Variants in RGS8 observed in about 807,000 individuals in gnomAD.
The protein encoded by RGS8 is regulator of G protein signaling 8, also known as regulator of G-protein signaling 8.
Under a neutral mutation model 21.7 loss-of-function variants are expected in RGS8, and 8 were observed. That is an observed-to-expected ratio of 0.37 (90% CI 0.22 to 0.66). The LOEUF (loss-of-function observed/expected upper bound fraction) is 0.66, where lower values mean the gene tolerates loss of function less well. RGS8 is among the 30% of genes least tolerant of loss of function. The pLI is 0.59. For missense variants in RGS8, 157 were observed against 217.9 expected (o/e 0.72, Z 1.76); for synonymous variants, 80 against 83.6 (o/e 0.96, Z 0.24).
At chr1:182,683,363 T>C (rs902132846) in intron 1 of RGS8, among the ~76,000 whole-genome samples, 2 of 152,210 alleles carry the variant, frequency 1.3e-5, no homozygotes, top group Admixed American at 6.5e-5. Context: ...AATACAGTTA[T>C]CTCACTCCCA....
chr1:182,682,351 A>T (rs1664563314), intron 1 of RGS8, among the ~76,000 whole-genome samples: 1 of 152,162 alleles, frequency 6.6e-6, no homozygotes. Flanking sequence ...TGCTCCTGGC[A>T]AGAGTGGTGG....
intron 5 of RGS8, among the ~76,000 whole-genome samples, chr1:182,652,502 G>A (rs1413928761): frequency 1.3e-5 from 2 of 152,182 alleles, no homozygotes; most frequent in African/African-American, 2.4e-5. Context: ...TGACTTGCCC[G>A]ATTTCACATA....
At chr1:182,728,983 C>T in the RGS8 span, among the ~76,000 whole-genome samples, 1 of 152,154 alleles carries the variant, frequency 6.6e-6, no homozygotes, top group Non-Finnish European at 1.5e-5. Context: ...TGTACATGTA[C>T]CCCATCCTGT....
chr1:182,684,802 T>C (rs1027569826), upstream of RGS8, among the ~76,000 whole-genome samples: 2 of 151,846 alleles, frequency 1.3e-5, no homozygotes, highest in African/African-American at 2.4e-5. This position sits in a 1 kb window ranked among gnomAD's most constrained non-coding sequence, Gnocchi z 4.2. Context: ...TCAGAGGGGA[T>C]GGCAGAGGGG....
At chr1:182,693,963 G>A in the RGS8 span, among the ~76,000 whole-genome samples, 134 of 152,174 alleles carry the variant, frequency 8.8e-4, no homozygotes, top group African/African-American at 3.0e-3. Flanking sequence ...ACACAGGGCC[G>A]TATTTGAGAG....
intron 1 of RGS8, among the ~76,000 whole-genome samples, chr1:182,682,436 G>A (rs1317959974): frequency 6.6e-6 from 1 of 152,130 alleles, no homozygotes; most frequent in African/African-American, 2.4e-5. Flanking sequence ...TCACTTCTCT[G>A]GCTGAACTTC....
intron 1 of RGS8, among the ~76,000 whole-genome samples, chr1:182,679,466 C>T (rs374522184): frequency 2.0e-5 from 3 of 152,100 alleles, no homozygotes; most frequent in Admixed American, 6.5e-5. Flanking sequence ...TTTGCTGGCT[C>T]CTCCTCCTCT....
At chr1:182,679,589 TG>T (rs1664475452) in intron 1 of RGS8, among the ~76,000 whole-genome samples, 1 of 152,100 alleles carries the variant, frequency 6.6e-6, no homozygotes, top group Non-Finnish European at 1.5e-5. Context: ...CTAACTACAT[TG>T]GGTATATTGA....
the RGS8 span, among the ~76,000 whole-genome samples, chr1:182,725,783 G>A: frequency 5.3e-5 from 8 of 152,270 alleles, no homozygotes; most frequent in South Asian, 4.1e-4. Flanking sequence ...AGTGTCTGAC[G>A]TCACGGCGTG....
chr1:182,670,478 A>C (rs1443677503), intron 2 of RGS8, among the ~76,000 whole-genome samples: 4 of 152,172 alleles, frequency 2.6e-5, no homozygotes, highest in Non-Finnish European at 4.4e-5. Flanking sequence ...TCCTCTCCTG[A>C]GGGTCCCATT....
chr1:182,742,979 T>C, the RGS8 span, among the ~76,000 whole-genome samples: 1 of 152,282 alleles, frequency 6.6e-6, no homozygotes, highest in Admixed American at 6.5e-5. Context: ...AGTGGCATTG[T>C]GCAATAACAG....
At chr1:182,729,054 A>G in the RGS8 span, among the ~76,000 whole-genome samples, 1 of 152,232 alleles carries the variant, frequency 6.6e-6, no homozygotes, top group Non-Finnish European at 1.5e-5. Context: ...GAAATGGGGT[A>G]AGGCAGGACA....
intron 2 of RGS8, among the ~76,000 whole-genome samples, chr1:182,671,012 G>C (rs1420341685): frequency 6.6e-6 from 1 of 152,118 alleles, no homozygotes; most frequent in Non-Finnish European, 1.5e-5. Context: ...TATTATCCTA[G>C]AGCCAAGTGG....
the RGS8 span, among the ~76,000 whole-genome samples, chr1:182,708,362 G>T: frequency 6.6e-6 from 1 of 152,208 alleles, no homozygotes; most frequent in African/African-American, 2.4e-5. Context: ...GGCCCCTGCA[G>T]TGTCCTTGAA....
At position 182,661,191 on chromosome 1, in the gene RGS8, A is replaced by C. The variant is rs183153059; in HGVS notation, c.193+4778T>G. 9.9e-5 allele frequency among the ~76,000 whole-genome samples: 15 copies of C among 152,026 alleles called. No individual in the cohort carries two copies. In the East Asian group the frequency reaches 2.9e-3, roughly 29 times the overall value. On this transcript the variant is annotated intron_variant, in intron 5 of 6. Coordinates refer to ENST00000483095, the Ensembl canonical transcript of RGS8. ...AAAAGGGGCTAATTTTTAAAAACTAAAAGTTTCTCTGTGGGTATCCTGTTC... is the reference window on the plus strand; with the variant it reads ...AAAAGGGGCTAATTTTTAAAAACTACAAGTTTCTCTGTGGGTATCCTGTTC...
the RGS8 span, among the ~76,000 whole-genome samples, chr1:182,720,841 CTG>C: frequency 6.7e-6 from 1 of 148,594 alleles, no homozygotes; most frequent in Non-Finnish European, 1.5e-5. Flanking sequence ...ACATATATAT[CTG>C]TGTGTATACA....
chr1:182,676,273 T>C (rs1664350763), upstream of RGS8, among the ~76,000 whole-genome samples: 1 of 152,216 alleles, frequency 6.6e-6, no homozygotes, highest in Non-Finnish European at 1.5e-5. Flanking sequence ...AGGAGGTTTA[T>C]TGCCAAATGC....
At chr1:182,727,900 A>G in the RGS8 span, among the ~76,000 whole-genome samples, 4 of 152,230 alleles carry the variant, frequency 2.6e-5, no homozygotes, top group African/African-American at 7.2e-5. Flanking sequence ...TAACAAATGT[A>G]CATTTACACT....
At chr1:182,680,277 C>A (rs2102456200) in intron 1 of RGS8, among the ~76,000 whole-genome samples, 1 of 152,300 alleles carries the variant, frequency 6.6e-6, no homozygotes, top group African/African-American at 2.4e-5. Context: ...GTCTGGCTAC[C>A]TTGAGAGTCA....
Sources: allele counts gnomAD v4.1 joint callset (sites outside exome capture counted in the v4.1 genomes callset), GRCh38; gene constraint gnomAD v4.1.1; non-coding constraint Gnocchi (gnomAD v3.1); transcripts MANE v1.5; gene names NCBI Gene and HGNC (gene_info 2026-07-23, HGNC 2026-07-21).